RELN: variants seen among roughly 807,000 people sequenced by gnomAD.
The protein encoded by RELN is reelin.
RELN carries 108 observed loss-of-function variants against 427.6 expected under a neutral mutation model. The ratio of observed to expected loss-of-function variants is 0.25; its 90% CI spans 0.22 to 0.30. RELN has a LOEUF of 0.30. Ranked by LOEUF, RELN falls within the 10% of genes least tolerant of loss-of-function variation. The pLI, the probability that RELN is intolerant of heterozygous loss-of-function variation, is 1.00. For synonymous variants in RELN, 1,524 were observed against 1,513.4 expected, an observed-to-expected ratio of 1.01 and a Z score of -0.16; for missense variants, 3,715 against 4,302.8, an observed-to-expected ratio of 0.86 and a Z score of 3.82.
intron 1 of RELN, among the ~76,000 whole-genome samples, chr7:103,958,511 C>A (rs1279489685): frequency 1.3e-5 from 2 of 152,120 alleles, no homozygotes; most frequent in African/African-American, 4.8e-5. Context: ...TCTCCCACTC[C>A]CACCAAAGAA....
At chr7:103,768,200 C>T (rs542358104) in intron 4 of RELN, among the ~76,000 whole-genome samples, 1 of 152,110 alleles carries the variant, frequency 6.6e-6, no homozygotes, top group South Asian at 2.1e-4. Context: ...AGTGAATGAA[C>T]CTAAGCATCT....
chr7:103,680,526 G>A (rs1192194713), intron 11 of RELN, among the ~76,000 whole-genome samples: 3 of 151,262 alleles, frequency 2.0e-5, no homozygotes, highest in Non-Finnish European at 4.4e-5. Context: ...TTTTTTATCA[G>A]CAGTCAGAAC....
intron 2 of RELN, among the ~76,000 whole-genome samples, chr7:103,876,671 GATA>G (rs1437059440): frequency 1.4e-4 from 21 of 152,112 alleles, no homozygotes; most frequent in Middle Eastern, 3.4e-3. Flanking sequence ...TAAAAAGTTT[GATA>G]ATGAGAGCTC....
intron 1 of RELN, among the ~76,000 whole-genome samples, chr7:103,964,661 A>G (rs1796626832): frequency 6.6e-6 from 1 of 152,252 alleles, no homozygotes; most frequent in African/African-American, 2.4e-5. Flanking sequence ...CAAAATTTAA[A>G]GTAAAAAATA....
At chr7:103,843,951 T>C (rs1793616337) in intron 2 of RELN, among the ~76,000 whole-genome samples, 1 of 152,166 alleles carries the variant, frequency 6.6e-6, no homozygotes, top group Non-Finnish European at 1.5e-5. Flanking sequence ...AGATAATCAC[T>C]TCGCACTGCC....
Position 103,989,546 on chromosome 7 carries a change from G to C in RELN, c.-190C>G, listed in dbSNP as rs938326042. 1.1e-5 allele frequency: 5 copies of C among 470,776 alleles called. No individual in the cohort carries two copies. The Admixed American group carries it at 1.4e-4, about 13-fold the overall frequency. 29.2% of individuals were successfully genotyped at this position (470,776 alleles called of 1,614,324 possible). On this transcript the variant is annotated 5_prime_UTR_variant, in exon 1 of 65. Transcript: ENST00000428762. The surrounding 1 kb of genome is among the most constrained non-coding windows in gnomAD (Gnocchi z 4.9). ...TCCGCGGGAGACGGCGGCTCCCAAA[G>C]TTACTTTGGGCCGCGGGAGCGCGGG...
At chr7:103,807,619 C>G (rs1266263129) in intron 3 of RELN, among the ~76,000 whole-genome samples, 1 of 152,090 alleles carries the variant, frequency 6.6e-6, no homozygotes. Flanking sequence ...CTTCCACCCT[C>G]CCCTCTCAAG....
At chr7:103,523,921 C>T (rs1020108620) in intron 46 of RELN, among the ~76,000 whole-genome samples, 8 of 152,122 alleles carry the variant, frequency 5.3e-5, no homozygotes, top group African/African-American at 1.7e-4. Context: ...AAGTGATCCT[C>T]CCACCTCAGC....
At chr7:103,821,979 G>C (rs908228933) in intron 3 of RELN, among the ~76,000 whole-genome samples, 4 of 152,004 alleles carry the variant, frequency 2.6e-5, no homozygotes, top group African/African-American at 9.7e-5. Flanking sequence ...CATCAATGTG[G>C]ATAACCAAAA....
intron 27 of RELN, among the ~76,000 whole-genome samples, chr7:103,590,344 A>C (rs985230364): frequency 6.6e-6 from 1 of 152,008 alleles, no homozygotes; most frequent in Non-Finnish European, 1.5e-5. Context: ...CGGGTGGATC[A>C]TGAGGTCAGG....
chr7:103,983,867 G>C (rs1486559729), intron 1 of RELN, among the ~76,000 whole-genome samples: 1 of 27,030 alleles, frequency 3.7e-5, no homozygotes, highest in South Asian at 1.3e-3. Context: ...ATATTTCTGT[G>C]TGTGTGTGTG....
intron 3 of RELN, among the ~76,000 whole-genome samples, chr7:103,792,926 T>G (rs1047078193): frequency 2.2e-4 from 34 of 152,168 alleles, no homozygotes; most frequent in Non-Finnish European, 3.5e-4. Context: ...TTTTTGAGAC[T>G]GATATTATAA....
At chr7:103,918,418 C>T (rs1795536293) in intron 1 of RELN, among the ~76,000 whole-genome samples, 1 of 152,114 alleles carries the variant, frequency 6.6e-6, no homozygotes, top group Non-Finnish European at 1.5e-5. Flanking sequence ...ATGTGTAGAA[C>T]AGAGCCATTA....
intron 8 of RELN, among the ~76,000 whole-genome samples, chr7:103,705,376 C>T (rs748956347): frequency 3.3e-5 from 5 of 152,100 alleles, no homozygotes; most frequent in Non-Finnish European, 5.9e-5. Flanking sequence ...AAAACACTTT[C>T]GTGTTTAGGA....
intron 8 of RELN, among the ~76,000 whole-genome samples, chr7:103,719,640 T>G (rs1002166268): frequency 2.0e-5 from 3 of 152,144 alleles, no homozygotes; most frequent in African/African-American, 4.8e-5. Flanking sequence ...GCCATTTCCT[T>G]TGGGTCCTCA....
intron 19 of RELN, among the ~76,000 whole-genome samples, chr7:103,630,839 A>C (rs1336782286): frequency 1.6e-5 from 2 of 121,880 alleles, no homozygotes; most frequent in Admixed American, 8.6e-5. Context: ...GAAAGGGCTG[A>C]GTTATTTTTT....
At chr7:103,636,649 C>A (rs1282182091) in intron 17 of RELN, among the ~76,000 whole-genome samples, 181 bp from the exon 18 acceptor site, 1 of 152,058 alleles carries the variant, frequency 6.6e-6, no homozygotes, top group Non-Finnish European at 1.5e-5. Context: ...TGTAAATATT[C>A]CAGACAAATA....
chr7:103,789,791 T>C (rs1432921699), intron 3 of RELN, among the ~76,000 whole-genome samples: 3 of 152,324 alleles, frequency 2.0e-5, no homozygotes, highest in East Asian at 3.9e-4. Context: ...CTCAAGGATA[T>C]AGAACTAGAA....
At chr7:103,787,817 C>T (rs751967127) in intron 3 of RELN, among the ~76,000 whole-genome samples, 1 of 152,150 alleles carries the variant, frequency 6.6e-6, no homozygotes, top group African/African-American at 2.4e-5. Context: ...AGAGGGAATC[C>T]TCCCTAACTC....
Sources: gnomAD v4.1 joint callset for allele counts (sites outside exome capture counted in the v4.1 genomes callset) on GRCh38, gnomAD v4.1.1 for gene constraint, Gnocchi (gnomAD v3.1) non-coding constraint, MANE v1.5 for transcripts, NCBI Gene and HGNC (gene_info 2026-07-23, HGNC 2026-07-21) for gene names.